Variants in NOD1 observed in about 807,000 individuals in gnomAD.
The protein encoded by NOD1 is nucleotide-binding oligomerization domain-containing protein 1.
A neutral mutation model predicts 81.2 loss-of-function variants in NOD1; 70 were observed. The observed-to-expected ratio is 0.86, with a 90% CI of 0.71 to 1.05. The LOEUF (loss-of-function observed/expected upper bound fraction) is 1.05. Ranked by LOEUF, NOD1 falls within the 50% of genes least tolerant of loss-of-function variation. The probability of loss-of-function intolerance (pLI) is 0.00; values close to 1 mark genes in which losing one functional copy is unlikely to be tolerated. For synonymous variants in NOD1, 508 were observed against 526.9 expected, an observed-to-expected ratio of 0.96 and a Z score of 0.49; for missense variants, 1,233 against 1,228.0, an observed-to-expected ratio of 1.00 and a Z score of -0.06.
At chr7:30,449,263 T>C (rs1390724652) in intron 6 of NOD1, among the ~76,000 whole-genome samples, 1 of 152,200 alleles carries the variant, frequency 6.6e-6, no homozygotes, top group African/African-American at 2.4e-5. Context: ...CCCAGCTTGG[T>C]GCTGGGAAAT....
intron 4 of NOD1, among the ~76,000 whole-genome samples, 177 bp downstream of exon 4, chr7:30,456,544 T>C (rs1474492770): frequency 6.6e-6 from 1 of 152,050 alleles, no homozygotes; most frequent in Non-Finnish European, 1.5e-5. Context: ...AACACAGAAG[T>C]AAAATACCTG....
intron 5 of NOD1, among the ~76,000 whole-genome samples, chr7:30,454,707 G>A (rs1018623792): frequency 2.6e-5 from 4 of 151,914 alleles, no homozygotes; most frequent in Non-Finnish European, 4.4e-5. Flanking sequence ...ATCATAGCTC[G>A]CTGCAGCCTT....
rs1785749871 is a variant in NOD1 at position 30,451,804 on chromosome 7, T to C, written c.1613A>G (p.Gln538Arg). 6.2e-7 allele frequency: 1 copy of C among 1,613,762 alleles called. No homozygotes were observed. The highest frequency in any genetic ancestry group is 8.5e-7 in the Non-Finnish European group (1 of 1,179,982). Residue 538 changes from glutamine to arginine, a missense_variant, in exon 6 of 14, where the codon CAG becomes CGG. Coordinates refer to ENST00000222823, the MANE Select transcript of NOD1 (RefSeq NM_006092.4). This position sits in a 1 kb window ranked among gnomAD's most constrained non-coding sequence, Gnocchi z 4.2. ...CTCCTGGAAGAACCTGAGCAGCTCC[T>C]GAGTGCCCACCCTGTCGTCCAGCAC... is the stretch of plus-strand genomic sequence containing the variant. ...FLVLDDRVGT[Q>R]ELLRFFQEWM... is the part of the protein sequence containing the mutation.
At chr7:30,448,895 C>A (rs186927372) in intron 6 of NOD1, among the ~76,000 whole-genome samples, 4 of 152,178 alleles carry the variant, frequency 2.6e-5, no homozygotes, top group Non-Finnish European at 5.9e-5. Flanking sequence ...CAGCTTCCCC[C>A]CATCCAGAAA....
At chr7:30,476,826 C>T (rs558443945) in intron 1 of NOD1, among the ~76,000 whole-genome samples, 2 of 152,292 alleles carry the variant, frequency 1.3e-5, no homozygotes, top group African/African-American at 2.4e-5. Context: ...AGGCCCTGAG[C>T]GGGGCAGCAG....
chr7:30,454,184 G>A (rs1004649770), intron 5 of NOD1, among the ~76,000 whole-genome samples: 1 of 152,214 alleles, frequency 6.6e-6, no homozygotes, highest in Non-Finnish European at 1.5e-5. Context: ...CCTGTCTTGT[G>A]CTTCTGTTTC....
At chr7:30,432,991 G>A in intron 12 of NOD1, 105 bp downstream of exon 12, 1 of 850,160 alleles carries the variant, frequency 1.2e-6, no homozygotes, top group Non-Finnish European at 1.9e-6. Flanking sequence ...AAAAACCTCT[G>A]AATTGTATAC....
Position 30,437,559 on chromosome 7 carries a change from A to C in NOD1, c.2537+14T>G, listed in dbSNP as rs547603081. 2.0e-4 allele frequency: 298 copies of C among 1,488,048 alleles called. No homozygotes were observed. The highest frequency in any genetic ancestry group is 2.5e-4 in the Non-Finnish European group (285 of 1,128,126). The allele number at this position is 1,488,048 out of a possible 1,614,324, so 92.2% of individuals were successfully genotyped here. ...GACCAGGTTGGCCCCTGGAGACAGC[A>C]GGGCCACAGTTACCTCAGGGTGGTC... is the stretch of plus-strand genomic sequence containing the variant. On this transcript the variant is annotated intron_variant, in intron 10 of 13. Transcript: ENST00000222823.
At chr7:30,447,144 A>C in intron 7 of NOD1, 94 bp from the exon 8 acceptor site, 2 of 1,601,076 alleles carry the variant, frequency 1.2e-6, no homozygotes, top group East Asian at 2.2e-5. Flanking sequence ...ACTGATTTCC[A>C]AAGTCTGGGT....
At position 30,425,606 on chromosome 7, in the gene NOD1, G is replaced by C; in HGVS notation, c.*32C>G. On this transcript the variant is annotated 3_prime_UTR_variant, in exon 14 of 14. Coordinates refer to ENST00000222823, the MANE Select transcript of NOD1 (RefSeq NM_006092.4). ...GTGGCATTTGCTGCTGAGGCTCCAG[G>C]GCAAAAACCCCATGAACAGGAAAGC... 6.4e-7 allele frequency: 1 copy of C among 1,562,562 alleles called. No individual in the cohort carries two copies. The highest frequency in any genetic ancestry group is 8.8e-7 in the Non-Finnish European group (1 of 1,132,928).
rs59063034 is a variant in NOD1 at position 30,431,617 on chromosome 7, C to T, written c.2705+1479G>A. ...CACGTGCAAGAGAATGAGGTTAACC[C>T]TCACTTTACACTATACAAAAATTAA... On this transcript the variant is annotated intron_variant, in intron 12 of 13. Coordinates refer to ENST00000222823, the MANE Select transcript of NOD1 (RefSeq NM_006092.4). 8.0e-3 allele frequency among the ~76,000 whole-genome samples: 1,214 copies of T among 152,304 alleles called. 21 individuals are homozygous for T. The highest frequency in any genetic ancestry group is 0.027 in the African/African-American group (1,137 of 41,544).
Position 30,433,252 on chromosome 7 carries a change from G to T in NOD1, c.2622-73C>A, listed in dbSNP as rs577374590. ...ACATTGTTTTAGAGTTCACAGGAGC[G>T]GGAGCTCAGCCCAAGGCTCTCCAGC... On this transcript the variant is annotated intron_variant, in intron 11 of 13. Coordinates refer to ENST00000222823, the MANE Select transcript of NOD1 (RefSeq NM_006092.4). The T allele has an allele frequency of 6.5e-5, 80 of 1,221,500 alleles. 1 individual carries two copies. The South Asian group carries it at 9.2e-4, about 14-fold the overall frequency. 75.7% of individuals were successfully genotyped at this position (1,221,500 alleles called of 1,614,324 possible).
chr7:30,446,042 G>T, intron 9 of NOD1, 99 bp downstream of exon 9: 1 of 895,480 alleles, frequency 1.1e-6, no homozygotes, highest in Non-Finnish European at 1.9e-6. Flanking sequence ...GCGAGCCCCA[G>T]TGGTCCTTCT....
At chr7:30,461,547 C>A (rs1787074697) in intron 1 of NOD1, among the ~76,000 whole-genome samples, 1 of 152,174 alleles carries the variant, frequency 6.6e-6, no homozygotes, top group Non-Finnish European at 1.5e-5. Flanking sequence ...GGAAACCTGG[C>A]ATGTGTTTTA....
chr7:30,437,834 T>G (rs563925448), intron 9 of NOD1, among the ~76,000 whole-genome samples, 178 bp from the exon 10 acceptor site: 1 of 152,328 alleles, frequency 6.6e-6, no homozygotes, highest in South Asian at 2.1e-4. Context: ...TGGGCTGCTC[T>G]GGATTTCAAA....
intron 3 of NOD1, among the ~76,000 whole-genome samples, chr7:30,457,977 AG>A (rs1786560587): frequency 1.3e-5 from 2 of 152,158 alleles, no homozygotes; most frequent in Admixed American, 1.3e-4. Flanking sequence ...AGTGGGACAG[AG>A]GGAGGGCAGA....
intron 9 of NOD1, among the ~76,000 whole-genome samples, chr7:30,438,455 C>G (rs1583689692): frequency 6.6e-6 from 1 of 152,218 alleles, no homozygotes; most frequent in African/African-American, 2.4e-5. Context: ...TTAACAGAAG[C>G]AAAGCACTTA....
rs1287142922 is a variant in NOD1 at position 30,448,338 on chromosome 7, T to C, written c.2245A>G (p.Ser749Gly). Residue 749 changes from serine (S) to glycine (G), a missense_variant, in exon 7 of 14, where the codon AGC (serine) becomes GGC (glycine). Physicochemically the swap from Ser to Gly is moderately conservative, Grantham distance 56. Coordinates refer to ENST00000222823, the MANE Select transcript of NOD1 (RefSeq NM_006092.4). ...QITDGGVKVLSEELTKYKIVT... is the reference protein window; with the variant it reads ...QITDGGVKVLGEELTKYKIVT... ...ATTTTGTATTTGGTCAGCTCTTCGC[T>C]TAGCACCTTTACCCCACCGTCAGTG... 1.7e-5 allele frequency: 28 copies of C among 1,614,124 alleles called. No individual in the cohort carries two copies. Among genetic ancestry groups the C allele is most frequent in the Non-Finnish European group, 2.2e-5 (26 of 1,180,048 alleles).
rs181418504 is a variant in NOD1, at chr7:30,461,026, T to C, written c.-351-985A>G. On this transcript the variant is annotated intron_variant, in intron 1 of 13. Transcript: ENST00000222823. ...GAGACCATAGAGCAGCTCTGTTGAA[T>C]TGAAATATGACACAGCTTTCCTAGT... Among the ~76,000 whole-genome samples, 36 of 152,292 alleles carry C rather than the reference T, an allele frequency of 2.4e-4. No homozygotes were observed. The East Asian group carries it at 6.6e-3, about 28-fold the overall frequency.
Sources: gnomAD v4.1 joint callset for allele counts (sites outside exome capture counted in the v4.1 genomes callset) on GRCh38, gnomAD v4.1.1 for gene constraint, Gnocchi (gnomAD v3.1) non-coding constraint, MANE v1.5 for transcripts, NCBI Gene and HGNC (gene_info 2026-07-23, HGNC 2026-07-21) for gene names.